Variants in TSPEAR observed in about 807,000 individuals in gnomAD.
The protein encoded by TSPEAR is thrombospondin type laminin G domain and EAR repeats.
A neutral mutation model predicts 71.6 loss-of-function variants in TSPEAR; 69 were observed. That is an observed-to-expected ratio of 0.96 (90% CI 0.79 to 1.18). The LOEUF is 1.18. Ranked by LOEUF, TSPEAR falls within the 50% of genes most tolerant of loss-of-function variation. TSPEAR has a pLI of 0.00. For synonymous variants in TSPEAR, 402 were observed against 387.2 expected (o/e 1.04, Z -0.45); for missense variants, 971 against 894.9 (o/e 1.09, Z -1.09).
intron 2 of TSPEAR, among the ~76,000 whole-genome samples, chr21:44,534,180 G>T (rs1257991056): frequency 1.8e-5 from 1 of 56,864 alleles, no homozygotes; most frequent in African/African-American, 9.8e-5. Context: ...GTGAGGGGGC[G>T]GGGCTGGTGT....
intron 1 of TSPEAR, among the ~76,000 whole-genome samples, chr21:44,694,075 A>T (rs1189115142): frequency 6.6e-6 from 1 of 152,248 alleles, no homozygotes; most frequent in Non-Finnish European, 1.5e-5. Flanking sequence ...CCGGAAATAA[A>T]GCTATTCATT....
At chr21:44,540,301 A>G in intron 2 of TSPEAR, 15 of 1,294,544 alleles carry the variant, frequency 1.2e-5, no homozygotes, top group Non-Finnish European at 1.5e-5. Context: ...TCCAGGGCCC[A>G]CAGCGTCCCC....
At chr21:44,563,445 T>C (rs233260) in intron 2 of TSPEAR, among the ~76,000 whole-genome samples, 30,500 of 152,074 alleles carry the variant, frequency 0.2, 3,425 homozygotes, top group Non-Finnish European at 0.25. Flanking sequence ...TCAAAATAAG[T>C]ATATGGTAAA....
chr21:44,530,288 C>G (rs1374122935), intron 4 of TSPEAR, among the ~76,000 whole-genome samples: 1 of 152,186 alleles, frequency 6.6e-6, no homozygotes, highest in Non-Finnish European at 1.5e-5. Context: ...ATCCATCAGT[C>G]CAATCCATTC....
chr21:44,523,968 TAGTC>T (rs1480190935), intron 8 of TSPEAR, among the ~76,000 whole-genome samples: 8 of 151,260 alleles, frequency 5.3e-5, no homozygotes, highest in African/African-American at 7.3e-5. Context: ...GTTCAGTAGT[TAGTC>T]AGGTAGCCAG....
chr21:44,580,376 G>T (rs1555924890), intron 1 of TSPEAR: 1 of 1,613,524 alleles, frequency 6.2e-7, no homozygotes, highest in South Asian at 1.1e-5. Context: ...GGGCGTGCAG[G>T]AGCTGGTGCA....
Position 44,612,402 on chromosome 21 carries a change from A to C in TSPEAR, c.83-44397T>G. On this transcript the variant is annotated intron_variant, in intron 1 of 11. Coordinates refer to ENST00000323084, the MANE Select transcript of TSPEAR (RefSeq NM_144991.3). This position sits in a 1 kb window ranked among gnomAD's most constrained non-coding sequence, Gnocchi z 4.1. ...TCCTGCACACCTTCATGCTGCCAGC[A>C]GTCTAGCTGCCAGCCGGCTTGCTGC... 6.2e-7 allele frequency: 1 copy of C among 1,614,120 alleles called. No homozygotes were observed. The highest frequency in any genetic ancestry group is 8.5e-7 in the Non-Finnish European group (1 of 1,180,028).
intron 1 of TSPEAR, chr21:44,666,997 C>G: frequency 8.2e-7 from 1 of 1,213,040 alleles, no homozygotes; most frequent in African/African-American, 1.5e-5. Flanking sequence ...CAGAAGCACA[C>G]CTGTCTTCCT....
At chr21:44,557,885 TG>T in intron 2 of TSPEAR, 1 of 798,054 alleles carries the variant, frequency 1.3e-6, no homozygotes, top group Non-Finnish European at 2.0e-6. Flanking sequence ...GATGAGGGTG[TG>T]GGAGAGATGC....
At chr21:44,555,111 C>A (rs1015587845) in intron 2 of TSPEAR, among the ~76,000 whole-genome samples, 2 of 151,860 alleles carry the variant, frequency 1.3e-5, no homozygotes, top group Admixed American at 1.3e-4. Context: ...ATCCTAAAGA[C>A]GGAAAAGCAA....
intron 1 of TSPEAR, among the ~76,000 whole-genome samples, chr21:44,698,446 A>C (rs1452602188): frequency 6.6e-6 from 1 of 152,168 alleles, no homozygotes; most frequent in Non-Finnish European, 1.5e-5. Flanking sequence ...GGAATGTACC[A>C]GTCCCAGGGA....
At chr21:44,657,881 G>T in intron 1 of TSPEAR, 1 of 1,152,580 alleles carries the variant, frequency 8.7e-7, no homozygotes, top group Non-Finnish European at 1.3e-6. Context: ...GTGTTTTTGT[G>T]TTACCCAGAT....
intron 1 of TSPEAR, among the ~76,000 whole-genome samples, chr21:44,690,001 G>A (rs1555949559): frequency 6.6e-6 from 1 of 151,828 alleles, no homozygotes; most frequent in African/African-American, 2.4e-5. Context: ...TTAAGGGTGG[G>A]CCTGCCTTTC....
intron 9 of TSPEAR, chr21:44,517,474 A>G (rs1397010921): frequency 1.4e-5 from 4 of 287,730 alleles, no homozygotes; most frequent in East Asian, 2.0e-4. Flanking sequence ...GCACAGGTCC[A>G]GCTAGGCTGG....
At chr21:44,549,763 T>A (rs1253300149) in intron 2 of TSPEAR, among the ~76,000 whole-genome samples, 3 of 152,262 alleles carry the variant, frequency 2.0e-5, no homozygotes, top group Non-Finnish European at 4.4e-5. Context: ...CATGCTGTCC[T>A]GCACTTCCTC....
intron 2 of TSPEAR, among the ~76,000 whole-genome samples, chr21:44,553,800 G>C (rs587642091): frequency 1.3e-5 from 2 of 152,098 alleles, no homozygotes; most frequent in African/African-American, 4.8e-5. Flanking sequence ...AATAATACAC[G>C]ATCTGGAAAT....
intron 1 of TSPEAR, among the ~76,000 whole-genome samples, chr21:44,618,516 G>A (rs781827123): frequency 2.1e-4 from 32 of 152,312 alleles, no homozygotes; most frequent in Non-Finnish European, 3.8e-4. Flanking sequence ...GCAAGCAAGG[G>A]AACACATAAT....
intron 1 of TSPEAR, among the ~76,000 whole-genome samples, chr21:44,598,908 C>T (rs1980553854): frequency 6.6e-6 from 1 of 152,104 alleles, no homozygotes; most frequent in Non-Finnish European, 1.5e-5. Context: ...TCATATTTCA[C>T]CTTTGAACAA....
intron 1 of TSPEAR, chr21:44,575,105 T>G: frequency 8.1e-7 from 1 of 1,230,314 alleles, no homozygotes; most frequent in South Asian, 1.5e-5. Context: ...GCTCCTGCAC[T>G]TTGACCATTT....
Sources: gnomAD v4.1 joint callset for allele counts (sites outside exome capture counted in the v4.1 genomes callset) on GRCh38, gnomAD v4.1.1 for gene constraint, Gnocchi (gnomAD v3.1) non-coding constraint, MANE v1.5 for transcripts, NCBI Gene and HGNC (gene_info 2026-07-23, HGNC 2026-07-21) for gene names.